KCNH7: variants seen among roughly 807,000 people sequenced by gnomAD.
KCNH7 encodes the protein potassium voltage-gated channel subfamily H member 7, also known as voltage-gated inwardly rectifying potassium channel KCNH7.
KCNH7 carries 49 observed loss-of-function variants against 120.8 expected under a neutral mutation model. The ratio of observed to expected loss-of-function variants is 0.41; its 90% CI spans 0.32 to 0.51. The LOEUF is 0.51. Among genes scored for constraint, KCNH7 ranks in the 20% least tolerant of loss-of-function variants. KCNH7 has a pLI of 0.38. For missense variants in KCNH7, 1,097 were observed against 1,446.6 expected, an observed-to-expected ratio of 0.76 and a Z score of 3.92; for synonymous variants, 547 against 516.1, an observed-to-expected ratio of 1.06 and a Z score of -0.81.
intron 9 of KCNH7, among the ~76,000 whole-genome samples, chr2:162,400,756 C>A (rs1246273872): frequency 6.6e-6 from 1 of 151,810 alleles, no homozygotes; most frequent in Non-Finnish European, 1.5e-5. Flanking sequence ...ATACTGTGCA[C>A]AGATATAATG....
At chr2:162,417,219 G>A (rs1687567961) in intron 9 of KCNH7, among the ~76,000 whole-genome samples, 1 of 152,092 alleles carries the variant, frequency 6.6e-6, no homozygotes, top group South Asian at 2.1e-4. Context: ...GATTCCATTA[G>A]GTTTAAGAAA....
intron 2 of KCNH7, among the ~76,000 whole-genome samples, chr2:162,760,918 A>G (rs1373124402): frequency 1.3e-5 from 2 of 152,134 alleles, no homozygotes; most frequent in African/African-American, 2.4e-5. Flanking sequence ...ACTTATGAAC[A>G]ATACATTATT....
chr2:162,512,800 T>G, intron 4 of KCNH7, 126 bp from the exon 5 acceptor site: 1 of 684,738 alleles, frequency 1.5e-6, no homozygotes, highest in South Asian at 2.2e-5. Context: ...AATTTCTCTT[T>G]AATTGAAATT....
intron 2 of KCNH7, among the ~76,000 whole-genome samples, chr2:162,831,779 C>A (rs1008430744): frequency 4.6e-5 from 7 of 152,186 alleles, no homozygotes; most frequent in Non-Finnish European, 1.0e-4. Flanking sequence ...TGTTCTCAAG[C>A]ACCTTGGGTG....
chr2:162,716,524 C>T (rs1400009833), intron 2 of KCNH7, among the ~76,000 whole-genome samples: 1 of 152,072 alleles, frequency 6.6e-6, no homozygotes, highest in African/African-American at 2.4e-5. Context: ...TTGCTGAGTG[C>T]TTTACATTAG....
chr2:162,712,397 A>T (rs1487759013), intron 2 of KCNH7, among the ~76,000 whole-genome samples: 2 of 152,146 alleles, frequency 1.3e-5, no homozygotes, highest in Non-Finnish European at 2.9e-5. Context: ...TGGCACTGGC[A>T]GAGTGCTCTC....
chr2:162,387,693 T>C (rs1686615643), intron 12 of KCNH7, among the ~76,000 whole-genome samples: 1 of 151,716 alleles, frequency 6.6e-6, no homozygotes, highest in African/African-American at 2.4e-5. Context: ...CTCCTCCCGC[T>C]TTTTTACAGA....
At chr2:162,654,438 C>T (rs1574226096) in intron 2 of KCNH7, among the ~76,000 whole-genome samples, 1 of 150,744 alleles carries the variant, frequency 6.6e-6, no homozygotes, top group Non-Finnish European at 1.5e-5. Context: ...AAATTAAACC[C>T]ACACGAGATA....
chr2:162,728,588 G>C (rs1186996937), intron 2 of KCNH7, among the ~76,000 whole-genome samples: 1 of 152,278 alleles, frequency 6.6e-6, no homozygotes, highest in Admixed American at 6.5e-5. Context: ...AGACCAGCCT[G>C]ACCAACACGG....
intron 2 of KCNH7, among the ~76,000 whole-genome samples, chr2:162,609,367 A>T (rs1559042593): frequency 1.3e-5 from 2 of 152,014 alleles, no homozygotes; most frequent in Non-Finnish European, 2.9e-5. Context: ...TAGAGAATGC[A>T]TTTTTCTTTT....
At chr2:162,803,435 C>A (rs1367007323) in intron 2 of KCNH7, among the ~76,000 whole-genome samples, 1 of 151,628 alleles carries the variant, frequency 6.6e-6, no homozygotes, top group Non-Finnish European at 1.5e-5. Context: ...ATTTAACTCT[C>A]CAGTCACAGA....
chr2:162,622,215 C>T (rs889207722), intron 2 of KCNH7, among the ~76,000 whole-genome samples: 2 of 152,168 alleles, frequency 1.3e-5, no homozygotes, highest in Non-Finnish European at 2.9e-5. Flanking sequence ...TGAAAATGAT[C>T]AGCTCGGCAT....
At chr2:162,511,995 C>T (rs952260043) in intron 5 of KCNH7, among the ~76,000 whole-genome samples, 2 of 151,688 alleles carry the variant, frequency 1.3e-5, no homozygotes, top group East Asian at 3.9e-4. Flanking sequence ...TAGTAGAAAA[C>T]AGAATTGAAT....
intron 2 of KCNH7, among the ~76,000 whole-genome samples, chr2:162,802,149 G>A (rs1177850781): frequency 6.6e-6 from 1 of 151,654 alleles, no homozygotes; most frequent in Non-Finnish European, 1.5e-5. Context: ...GTTGCAGATG[G>A]TGTTGGTTCT....
intron 2 of KCNH7, among the ~76,000 whole-genome samples, chr2:162,769,929 T>A (rs1347771253): frequency 2.6e-5 from 4 of 152,100 alleles, no homozygotes; most frequent in Admixed American, 6.6e-5. Context: ...ATAATCATGT[T>A]TTTAACCCTT....
chr2:162,477,248 A>G (rs1689777122), intron 6 of KCNH7, among the ~76,000 whole-genome samples: 1 of 152,226 alleles, frequency 6.6e-6, no homozygotes, highest in African/African-American at 2.4e-5. Context: ...ACTTACTAAC[A>G]TGGACTCACC....
At chr2:162,604,047 C>A (rs747045686) in intron 2 of KCNH7, among the ~76,000 whole-genome samples, 24 of 151,952 alleles carry the variant, frequency 1.6e-4, no homozygotes, top group Admixed American at 9.9e-4. Flanking sequence ...AAATATGTTA[C>A]CAGCAAACAC....
At position 162,435,215 on chromosome 2, in the gene KCNH7, C is replaced by T; in HGVS notation, c.1937G>A (p.Cys646Tyr). Residue 646 changes from cysteine (C) to tyrosine (Y), a missense_variant, in exon 8 of 16, where the codon TGT becomes TAT. Around this residue, in one of 8 missense-constraint regions of KCNH7, gnomAD observed 24 missense variants for 105.8 expected, o/e 0.23. Transcript: ENST00000332142. ...CTACTTACAGCCAATCAACATGACA[C>T]AAATTGAAAAGATTTTCTCCGAATT... is the stretch of plus-strand genomic sequence containing the variant. The part of the protein sequence containing the change: ...NTNSEKIFSI[C>Y]VMLIGSLMYA... The T allele has an allele frequency of 6.2e-7, 1 of 1,612,806 alleles. No individual in the cohort carries two copies. Among genetic ancestry groups the T allele is most frequent in the Non-Finnish European group, 8.5e-7 (1 of 1,179,236 alleles).
intron 2 of KCNH7, among the ~76,000 whole-genome samples, chr2:162,604,917 T>C (rs1459976866): frequency 2.0e-5 from 3 of 152,144 alleles, no homozygotes; most frequent in Admixed American, 6.6e-5. Context: ...TTTTTTAGTA[T>C]ACAAAAGTGA....
Sources: allele counts gnomAD v4.1 joint callset (sites outside exome capture counted in the v4.1 genomes callset), GRCh38; gene constraint gnomAD v4.1.1; regional missense constraint gnomAD v4.1.1; transcripts MANE v1.5; gene names NCBI Gene and HGNC (gene_info 2026-07-23, HGNC 2026-07-21).